COPA: variants seen among roughly 807,000 people sequenced by gnomAD.
COPA encodes coatomer subunit alpha.
Under a neutral mutation model 158.7 loss-of-function variants are expected in COPA, and 10 were observed. That is an observed-to-expected ratio of 0.06 (90% CI 0.04 to 0.11). COPA has a LOEUF of 0.11. Among genes scored for constraint, COPA ranks in the 10% least tolerant of loss-of-function variants. COPA has a pLI of 1.00. For missense variants in COPA, 1,065 were observed against 1,536.7 expected, an observed-to-expected ratio of 0.69 and a Z score of 5.13; for synonymous variants, 462 against 542.8, an observed-to-expected ratio of 0.85 and a Z score of 2.07.
In COPA at chr1:160,340,148, T is replaced by C; in HGVS notation, c.154+33A>G. On this transcript the variant is annotated intron_variant, in intron 2 of 32. Transcript: ENST00000241704. ...TACCCCAGGATATTATAAATACTTA[T>C]ACTCCTTTAACTTCCTCCTAGAAAT... 1 of 1,530,710 alleles carries C rather than the reference T, an allele frequency of 6.5e-7. No individual in the cohort carries two copies. Among genetic ancestry groups the C allele is most frequent in the African/African-American group, 1.4e-5 (1 of 73,370 alleles). The allele number at this position is 1,530,710 out of a possible 1,614,324, so 94.8% of individuals were successfully genotyped here. A position where few individuals can be genotyped will look rare whatever the true frequency, so the allele number is the denominator to read the frequency against.
intron 12 of COPA, 64 bp downstream of exon 12, chr1:160,310,128 A>C (rs1030345633): frequency 1.0e-6 from 1 of 997,732 alleles, no homozygotes; most frequent in Middle Eastern, 2.2e-4. Flanking sequence ...AGATTCCCTA[A>C]GGGCATAAGA....
chr1:160,297,835 T>A lies in COPA; in HGVS notation c.1978-90A>T, dbSNP rs550028668. ...GCAAAGCATCTGCATCTATATAGAT[T>A]TCCTGAAGAACTTCCTATACTTTCA... On this transcript the variant is annotated intron_variant, in intron 19 of 32. Transcript: ENST00000241704. 4.4e-6 allele frequency: 6 copies of A among 1,350,744 alleles called. No individual in the cohort carries two copies. The South Asian group carries it at 6.9e-5, about 16-fold the overall frequency. 83.7% of individuals were successfully genotyped at this position (1,350,744 alleles called of 1,614,324 possible).
At chr1:160,333,527 T>C (rs972443858) in intron 5 of COPA, 76 bp downstream of exon 5, 49 of 1,023,042 alleles carry the variant, frequency 4.8e-5, no homozygotes, top group Non-Finnish European at 6.6e-5. Context: ...AGGGAGAAGA[T>C]TGTTCTAAGA....
chr1:160,307,557 G>A (rs1368201768), intron 13 of COPA, among the ~76,000 whole-genome samples: 1 of 152,228 alleles, frequency 6.6e-6, no homozygotes, highest in Non-Finnish European at 1.5e-5. Context: ...AAGCTAACGA[G>A]CAGGGCCTCC....
rs756825309 is a variant in COPA at position 160,339,978 on chromosome 1, T to C, written c.159A>G (p.Pro53=). 3 of 1,614,114 alleles carry C rather than the reference T, an allele frequency of 1.9e-6. No homozygotes were observed. The highest frequency in any genetic ancestry group is 1.6e-4 in the Middle Eastern group (1 of 6,062). The part of the protein sequence containing the change: ...LIDKFDEHDG[P]VRGIDFHKQQ... ...GCTTATGGAAGTCAATGCCTCGCAC[T>C]GGACCTGGTGGAGAAGGCAGGCAAT... Residue 53 remains proline (P), a synonymous_variant, in exon 3 of 33, where the codon CCA becomes CCG. Coordinates refer to ENST00000241704, the MANE Select transcript of COPA (RefSeq NM_004371.4).
At position 160,297,730 on chromosome 1, in the gene COPA, C is replaced by G. The variant is rs1385609289; in HGVS notation, c.1993G>C (p.Ala665Pro). ...CAGTTCTTGTCATCCAGTGCTTTGG[C>G]TGCTTCCAGAGCAATCTAAAGAATC... ...CGNIEIALEA[A>P]KALDDKNCWE... The change falls in exon 20 of 33, where the codon GCC becomes CCC. Residue 665 changes from alanine to proline, a missense_variant. Transcript: ENST00000241704. 1 of 1,613,776 alleles carries G rather than the reference C, an allele frequency of 6.2e-7. No homozygotes were observed. The highest frequency in any genetic ancestry group is 8.5e-7 in the Non-Finnish European group (1 of 1,179,928).
intron 6 of COPA, among the ~76,000 whole-genome samples, chr1:160,328,080 G>A (rs1647343229): frequency 1.3e-5 from 2 of 152,188 alleles, no homozygotes; most frequent in South Asian, 4.1e-4. Context: ...TGAGCATTTA[G>A]CCAGTAGGTA....
chr1:160,300,562 C>T (rs1163882536), intron 17 of COPA, among the ~76,000 whole-genome samples: 2 of 151,970 alleles, frequency 1.3e-5, no homozygotes, highest in Non-Finnish European at 2.9e-5. Flanking sequence ...AACCAATATT[C>T]AAGGAAGAAT....
At chr1:160,311,798 T>G in intron 11 of COPA, 70 bp downstream of exon 11, 1 of 1,321,556 alleles carries the variant, frequency 7.6e-7, no homozygotes, top group Non-Finnish European at 1.0e-6. Flanking sequence ...AAAAGAAGAG[T>G]CTTGTTTGTG....
chr1:160,288,911 T>C lies in COPA; in HGVS notation c.*1246A>G, dbSNP rs1658121748. ...CAGAATAAGGGAGCTACTTGCTTTC[T>C]ATCATTTTCACAGCAGTTTAGGTCC... On this transcript the variant is annotated 3_prime_UTR_variant, in exon 33 of 33. Transcript: ENST00000241704. 6.6e-6 allele frequency among the ~76,000 whole-genome samples: 1 copy of C among 152,232 alleles called. No homozygotes were observed. The highest frequency in any genetic ancestry group is 6.5e-5 in the Admixed American group (1 of 15,284).
chr1:160,295,919 G>T (rs934195950), intron 22 of COPA, 60 bp from the exon 23 acceptor site: 1 of 1,582,030 alleles, frequency 6.3e-7, no homozygotes, highest in Admixed American at 1.8e-5. Context: ...CGTAAGGAAA[G>T]TTATGGAGCC....
At position 160,293,196 on chromosome 1, in the gene COPA, G is replaced by T; in HGVS notation, c.2793C>A (p.Ile931=). 1 of 1,614,164 alleles carries T rather than the reference G, an allele frequency of 6.2e-7. No homozygotes were observed. The highest frequency in any genetic ancestry group is 8.5e-7 in the Non-Finnish European group (1 of 1,180,030). ...CNNSQLPVDH[I]LAGSFETAMR... is the part of the protein sequence containing the mutation. ...TGGCTGTTTCGAAAGAGCCTGCCAG[G>T]ATGTGATCAACTGGAAGCTGAGAGT... Residue 931 remains isoleucine, a synonymous_variant, in exon 27 of 33, where the codon ATC becomes ATA. Transcript: ENST00000241704.
At chr1:160,335,343 AAGAAAC>A (rs748565837) in intron 3 of COPA, 21 bp from the exon 4 acceptor site, 1 of 1,598,088 alleles carries the variant, frequency 6.3e-7, no homozygotes, top group Non-Finnish European at 8.5e-7. Flanking sequence ...AAATCAAACT[AAGAAAC>A]AGAAATAGTT....
chr1:160,311,162 T>C (rs1453981428), intron 11 of COPA, among the ~76,000 whole-genome samples: 1 of 151,896 alleles, frequency 6.6e-6, no homozygotes, highest in African/African-American at 2.4e-5. Context: ...GAGTCTTGGT[T>C]GGGTGCGGTG....
At chr1:160,316,576 C>A (rs1659147979) in intron 8 of COPA, among the ~76,000 whole-genome samples, 1 of 151,490 alleles carries the variant, frequency 6.6e-6, no homozygotes, top group African/African-American at 2.4e-5. Context: ...CATGGAGAAA[C>A]CCTGTCTCTA....
In COPA at chr1:160,313,995, A is replaced by G. The variant is rs757243284; in HGVS notation, c.837T>C (p.Ser279=). 2.5e-6 allele frequency: 4 copies of G among 1,612,108 alleles called. No individual in the cohort carries two copies. The Admixed American group carries it at 6.7e-5, about 27-fold the overall frequency. Residue 279 remains serine, a synonymous_variant, in exon 9 of 33, where the codon TCT becomes TCC. Coordinates refer to ENST00000241704, the MANE Select transcript of COPA (RefSeq NM_004371.4). ...AACACTGAGGACTACCTTACCGCTT[A>G]GACATATCCCAGACTCGAATACTCT... ...EDKSIRVWDM[S]KRTGVQTFRR...
chr1:160,310,221 G>A lies in COPA; in HGVS notation c.1114C>T (p.Pro372Ser). 6.2e-7 allele frequency: 1 copy of A among 1,604,624 alleles called. No homozygotes were observed. The highest frequency in any genetic ancestry group is 8.5e-7 in the Non-Finnish European group (1 of 1,175,486). ...KFPVFNMSYN[P>S]AENAVLLCTR... The stretch of plus-strand genomic sequence containing the variant: ...CAAAGCAGGACTGCATTTTCTGCTG[G>A]ATTGTATGACATATTGAATACTGGA... Residue 372 changes from proline (P) to serine (S), a missense_variant, in exon 12 of 33, where the codon CCA becomes TCA. Physicochemically the swap from Pro to Ser is moderately conservative, Grantham distance 74 (BLOSUM62 -1). Coordinates refer to ENST00000241704, the MANE Select transcript of COPA (RefSeq NM_004371.4).
In COPA at chr1:160,305,329, T is replaced by C. The variant is rs1289554154; in HGVS notation, c.1667+104A>G. On this transcript the variant is annotated intron_variant, in intron 17 of 32. Coordinates refer to ENST00000241704, the MANE Select transcript of COPA (RefSeq NM_004371.4). Reference sequence around the variant, plus strand: ...TGCACATATATGCCAGGTAAGGCTTTTCCATGAAGAAAATTCATGGAGGAC... The same window carrying C: ...TGCACATATATGCCAGGTAAGGCTTCTCCATGAAGAAAATTCATGGAGGAC... 14 of 1,222,724 alleles carry C rather than the reference T, an allele frequency of 1.1e-5. No homozygotes were observed. The East Asian group carries it at 3.3e-4, about 29-fold the overall frequency. The allele number at this position is 1,222,724 out of a possible 1,614,324, so 75.7% of individuals were successfully genotyped here.
intron 15 of COPA, 38 bp downstream of exon 15, chr1:160,306,316 C>A: frequency 5.2e-6 from 8 of 1,550,936 alleles, no homozygotes; most frequent in Non-Finnish European, 7.0e-6. Context: ...CTCTCCCCAA[C>A]TACAGGGCTG....
Sources: gnomAD v4.1 joint callset for allele counts (sites outside exome capture counted in the v4.1 genomes callset) on GRCh38, gnomAD v4.1.1 for gene constraint, MANE v1.5 for transcripts, NCBI Gene and HGNC (gene_info 2026-07-23, HGNC 2026-07-21) for gene names.